RANBP3: variants seen among roughly 807,000 people sequenced by gnomAD.
RANBP3 encodes the protein ran-binding protein 3.
In RANBP3, 14 loss-of-function variants were observed where a neutral mutation model predicts 77.3. That is an observed-to-expected ratio of 0.18 (90% CI 0.12 to 0.28). The LOEUF (loss-of-function observed/expected upper bound fraction) is 0.28. RANBP3 is among the 10% of genes least tolerant of loss of function. The pLI is 1.00. For missense variants in RANBP3, 586 were observed against 752.3 expected, an observed-to-expected ratio of 0.78 and a Z score of 2.59; for synonymous variants, 315 against 312.4, an observed-to-expected ratio of 1.01 and a Z score of -0.09.
In RANBP3 at chr19:5,973,203, T is replaced by G. The variant is rs375815342; in HGVS notation, c.22+4858A>C. 1.3e-3 allele frequency among the ~76,000 whole-genome samples: 205 copies of G among 152,342 alleles called. 1 individual carries two copies. Among genetic ancestry groups the G allele is most frequent in the African/African-American group, 4.8e-3 (199 of 41,570 alleles). ...AGTTGTTTAAGATAGGTTCCAACTA[T>G]TTCAGTTCTAGCTAACCAATAAAAA... On this transcript the variant is annotated intron_variant, in intron 1 of 16. Coordinates refer to ENST00000340578, the MANE Select transcript of RANBP3 (RefSeq NM_007322.3).
At chr19:5,966,895 C>T (rs994912882) in intron 1 of RANBP3, among the ~76,000 whole-genome samples, 6 of 152,174 alleles carry the variant, frequency 3.9e-5, no homozygotes, top group African/African-American at 1.4e-4. Context: ...ATCTTCTTAC[C>T]TGTGAAAAAA....
Position 5,918,529 on chromosome 19 carries a change from G to A in RANBP3, c.1440C>T (p.Thr480=), listed in dbSNP as rs755276608. 3.0e-5 allele frequency: 49 copies of A among 1,612,574 alleles called. No homozygotes were observed. Among genetic ancestry groups the A allele is most frequent in the Admixed American group, 8.4e-5 (5 of 59,872 alleles). Reference sequence around the variant, plus strand: ...GGAAGACCTTCACGCCCTGGTCCTCGGTGTCCATGGCTGTGATGCGAATGC... The same window carrying A: ...GGAAGACCTTCACGCCCTGGTCCTCAGTGTCCATGGCTGTGATGCGAATGC... ...EKSIRITAMD[T]EDQGVKVFLI... is the part of the protein sequence containing the mutation. The change falls in exon 15 of 17, where the codon ACC becomes ACT. Residue 480 remains threonine, a synonymous_variant. Transcript: ENST00000340578.
chr19:5,944,174 C>T (rs1446031545), intron 3 of RANBP3, among the ~76,000 whole-genome samples: 1 of 152,152 alleles, frequency 6.6e-6, no homozygotes, highest in African/African-American at 2.4e-5. Flanking sequence ...AACTCCCAAC[C>T]GATGTAAAAT....
chr19:5,922,879 G>T (rs2145030650), intron 13 of RANBP3, among the ~76,000 whole-genome samples: 1 of 152,360 alleles, frequency 6.6e-6, no homozygotes, highest in East Asian at 1.9e-4. Flanking sequence ...AGCAGAGGTT[G>T]CAGTGAGCCG....
chr19:5,973,515 C>T (rs1791343901), intron 1 of RANBP3, among the ~76,000 whole-genome samples: 1 of 152,202 alleles, frequency 6.6e-6, no homozygotes, highest in South Asian at 2.1e-4. Context: ...TCGCCCACAA[C>T]AGAGAATTAC....
In RANBP3 at chr19:5,924,902, T is replaced by A. The variant is rs2057881058; in HGVS notation, c.921A>T (p.Leu307Phe). The A allele has an allele frequency of 6.2e-7, 1 of 1,613,462 alleles. No individual in the cohort carries two copies. The highest frequency in any genetic ancestry group is 8.5e-7 in the Non-Finnish European group (1 of 1,179,334). The change falls in exon 11 of 17, where the codon TTA (leucine) becomes TTT (phenylalanine). Residue 307 changes from leucine (L) to phenylalanine (F), a missense_variant. Leu to Phe is a conservative substitution (Grantham distance 22). Around this residue, in one of 5 missense-constraint regions of RANBP3, gnomAD observed 232 missense variants for 271.7 expected, o/e 0.85. Coordinates refer to ENST00000340578, the MANE Select transcript of RANBP3 (RefSeq NM_007322.3). The surrounding 1 kb of genome is among the most constrained non-coding windows in gnomAD (Gnocchi z 4.7). ...NYFLQYISSS[L>F]ENSTNSADAS... ...CGTCGGCACTATTGGTTGAGTTCTC[T>A]AAACTGAAGAGAAGATGTGCAATGA...
chr19:5,941,536 C>T (rs1209916992), intron 5 of RANBP3, 85 bp downstream of exon 5: 5 of 1,230,096 alleles, frequency 4.1e-6, no homozygotes, highest in Non-Finnish European at 4.7e-6. Context: ...AGGAAGGACA[C>T]AGCAGACGGA....
intron 2 of RANBP3, among the ~76,000 whole-genome samples, chr19:5,956,214 TG>T (rs1260543187): frequency 1.3e-5 from 2 of 152,180 alleles, no homozygotes; most frequent in South Asian, 4.1e-4. Flanking sequence ...AAACTAAAAA[TG>T]GTTCAAAAGA....
rs11298054 is a variant in RANBP3 at position 5,942,700 on chromosome 19, CAAAAAAAAAAAA to C, written c.283-877_283-866del. On this transcript the variant is annotated intron_variant, in intron 3 of 16. Transcript: ENST00000340578. Reference sequence around the variant, plus strand: ...TGGGCGACACAGCGAGACTCTGTCTCAAAAAAAAAAAAAAAAAAAACAAAAGGACTTAAAATG... The same window carrying C: ...TGGGCGACACAGCGAGACTCTGTCTCAAAAAAAACAAAAGGACTTAAAATG... 1.1e-4 allele frequency among the ~76,000 whole-genome samples: 10 copies of C among 90,850 alleles called. 1 individual carries two copies. 59.6% of individuals were successfully genotyped at this position (90,850 alleles called of 152,430 possible).
intron 3 of RANBP3, among the ~76,000 whole-genome samples, chr19:5,943,738 A>C (rs185061282): frequency 1.3e-3 from 201 of 152,324 alleles, no homozygotes; most frequent in African/African-American, 4.5e-3. Flanking sequence ...TGTACGAGTG[A>C]GGGCTGATTA....
intron 3 of RANBP3, among the ~76,000 whole-genome samples, chr19:5,946,631 G>A (rs896556660): frequency 1.9e-4 from 29 of 152,266 alleles, no homozygotes; most frequent in African/African-American, 1.4e-4. Flanking sequence ...ATCCTAACCC[G>A]CTGGCCACGT....
At chr19:5,925,906 A>C in intron 9 of RANBP3, 169 bp from the exon 10 acceptor site, 1 of 605,350 alleles carries the variant, frequency 1.7e-6, no homozygotes. Context: ...CAGGGCTATA[A>C]TCAACTCCAT....
In RANBP3 at chr19:5,978,103, C is replaced by T; in HGVS notation, c.-21G>A. On this transcript the variant is annotated 5_prime_UTR_variant, in exon 1 of 17. Transcript: ENST00000340578. Reference sequence around the variant, plus strand: ...GCCATTTTACTTCCTTAAGCCCTCCCACAAGGCCCCGCGCCGGCCCAGGCT... The same window carrying T: ...GCCATTTTACTTCCTTAAGCCCTCCTACAAGGCCCCGCGCCGGCCCAGGCT... 6.2e-7 allele frequency: 1 copy of T among 1,604,976 alleles called. No homozygotes were observed. Among genetic ancestry groups the T allele is most frequent in the South Asian group, 1.1e-5 (1 of 89,720 alleles).
chr19:5,924,746 C>G lies in RANBP3; in HGVS notation c.996+81G>C. ...ATCTCACATAGGACGACACAGCAGC[C>G]CTGCTCTCCATGTCCCCTTGACCTG... On this transcript the variant is annotated intron_variant, in intron 11 of 16. Coordinates refer to ENST00000340578, the MANE Select transcript of RANBP3 (RefSeq NM_007322.3). The surrounding 1 kb of genome is among the most constrained non-coding windows in gnomAD (Gnocchi z 4.7). The G allele has an allele frequency of 7.2e-7, 1 of 1,381,440 alleles. No homozygotes were observed. The highest frequency in any genetic ancestry group is 1.0e-6 in the Non-Finnish European group (1 of 970,258). 85.6% of individuals were successfully genotyped at this position (1,381,440 alleles called of 1,614,324 possible).
intron 13 of RANBP3, among the ~76,000 whole-genome samples, chr19:5,922,124 C>T (rs1387490018): frequency 4.7e-5 from 7 of 149,462 alleles, no homozygotes; most frequent in Admixed American, 1.4e-4. Context: ...AAATGTTGTA[C>T]GTTAGATTCT....
intron 3 of RANBP3, among the ~76,000 whole-genome samples, chr19:5,945,758 T>C (rs998792247): frequency 6.6e-6 from 1 of 152,136 alleles, no homozygotes; most frequent in African/African-American, 2.4e-5. Flanking sequence ...ATGGATGCCA[T>C]GGATGCTCTC....
chr19:5,956,978 C>T (rs1474719855), intron 2 of RANBP3, among the ~76,000 whole-genome samples: 5 of 151,970 alleles, frequency 3.3e-5, no homozygotes, highest in South Asian at 2.1e-4. Context: ...TGGGGAGTGC[C>T]GCCGCTGGGC....
At chr19:5,933,096 G>A (rs41276876) in intron 6 of RANBP3, 5,112 of 360,062 alleles carry the variant, frequency 0.014, 71 homozygotes, top group Admixed American at 0.039. Flanking sequence ...TGTGGTATGT[G>A]GGGGCCAGAA....
Position 5,917,336 on chromosome 19 carries a change from A to G in RANBP3, c.*274T>C. 1 of 504,348 alleles carries G rather than the reference A, an allele frequency of 2.0e-6. No individual in the cohort carries two copies. The highest frequency in any genetic ancestry group is 3.5e-6 in the Non-Finnish European group (1 of 283,910). 31.2% of individuals were successfully genotyped at this position (504,348 alleles called of 1,614,324 possible). On this transcript the variant is annotated 3_prime_UTR_variant, in exon 17 of 17. Transcript: ENST00000340578. ...CCAGTCCCAGTGAGAAGCCGTGACA[A>G]GTCTTAATGTGCCATTTCAATTCAA...
Sources: allele counts gnomAD v4.1 joint callset (sites outside exome capture counted in the v4.1 genomes callset), GRCh38; gene constraint gnomAD v4.1.1; regional missense constraint gnomAD v4.1.1; non-coding constraint Gnocchi (gnomAD v3.1); transcripts MANE v1.5; gene names NCBI Gene and HGNC (gene_info 2026-07-23, HGNC 2026-07-21).